The following MPHOSPH10 variants were observed in gnomAD, a reference collection of about 807,000 sequenced individuals.
MPHOSPH10 encodes M-phase phosphoprotein 10.
In MPHOSPH10, 33 loss-of-function variants were observed where a neutral mutation model predicts 77.3. The observed-to-expected ratio is 0.43, with a 90% CI of 0.32 to 0.57. The LOEUF (loss-of-function observed/expected upper bound fraction) is 0.57. Among genes scored for constraint, MPHOSPH10 ranks in the 20% least tolerant of loss-of-function variants. The probability of loss-of-function intolerance (pLI) is 0.07; values close to 1 mark genes in which losing one functional copy is unlikely to be tolerated. For synonymous variants in MPHOSPH10, 245 were observed against 268.0 expected (o/e 0.91, Z 0.84); for missense variants, 708 against 780.1 (o/e 0.91, Z 1.10).
Position 71,138,613 on chromosome 2 carries a change from G to A in MPHOSPH10, c.1222G>A (p.Asp408Asn), listed in dbSNP as rs1365411471. ...NSLLEETLHF[D>N]HAVRMAPVIT... ...CCTCCTGGAGGAGACCCTACACTTT[G>A]ACCATGCTGTCCGGATGGGTATGGT... Residue 408 changes from aspartate to asparagine, a missense_variant, in exon 5 of 11, where the codon GAC becomes AAC. Transcript: ENST00000244230. The A allele has an allele frequency of 6.2e-7, 1 of 1,614,162 alleles. No homozygotes were observed. Among genetic ancestry groups the A allele is most frequent in the Admixed American group, 1.7e-5 (1 of 60,026 alleles).
At chr2:71,145,947 C>A (rs1673697917) in intron 8 of MPHOSPH10, among the ~76,000 whole-genome samples, 1 of 152,212 alleles carries the variant, frequency 6.6e-6, no homozygotes, top group Admixed American at 6.5e-5. Context: ...AGGGTAGACT[C>A]CCCTTCCCAC....
chr2:71,144,570 G>C, intron 8 of MPHOSPH10, 32 bp downstream of exon 8: 1 of 1,491,676 alleles, frequency 6.7e-7, no homozygotes, highest in East Asian at 2.3e-5. Flanking sequence ...TGTGTAGCTA[G>C]AGCAGGGTGA....
intron 8 of MPHOSPH10, 72 bp from the exon 9 acceptor site, chr2:71,147,927 A>G: frequency 8.9e-7 from 1 of 1,121,872 alleles, no homozygotes; most frequent in Non-Finnish European, 1.3e-6. Context: ...TTAAGTTAAT[A>G]GGTTCACAGT....
intron 4 of MPHOSPH10, 124 bp downstream of exon 4, chr2:71,134,921 C>T: frequency 1.4e-6 from 1 of 732,134 alleles, no homozygotes; most frequent in South Asian, 1.9e-5. Context: ...AATCCTAACA[C>T]TTTGGTAGTC....
At chr2:71,149,186 T>C (rs1306830705) in intron 9 of MPHOSPH10, 37 bp from the exon 10 acceptor site, 1 of 1,511,420 alleles carries the variant, frequency 6.6e-7, no homozygotes, top group Non-Finnish European at 8.9e-7. Context: ...TTGTTAAACT[T>C]GATGAATGAA....
At position 71,147,883 on chromosome 2, in the gene MPHOSPH10, G is replaced by T. The variant is rs1047149141; in HGVS notation, c.1558-116G>T. The stretch of plus-strand genomic sequence containing the variant: ...CTGACTTTCAAGCAAGTGAAAAAAA[G>T]ATAATCTCCATAAAGTATTTTATAT... On this transcript the variant is annotated intron_variant, in intron 8 of 10. Coordinates refer to ENST00000244230, the MANE Select transcript of MPHOSPH10 (RefSeq NM_005791.3). The T allele has an allele frequency of 1.6e-5, 12 of 759,266 alleles. No individual in the cohort carries two copies. The Admixed American group carries it at 2.2e-4, about 14-fold the overall frequency. 47.0% of individuals were successfully genotyped at this position (759,266 alleles called of 1,614,324 possible). A position where few individuals can be genotyped will look rare whatever the true frequency, so the allele number is the denominator to read the frequency against.
chr2:71,144,521 C>T lies in MPHOSPH10; in HGVS notation c.1540C>T (p.His514Tyr), dbSNP rs1558756287. 7 of 1,612,978 alleles carry T rather than the reference C, an allele frequency of 4.3e-6. No individual in the cohort carries two copies. Among genetic ancestry groups the T allele is most frequent in the Admixed American group, 1.7e-5 (1 of 60,020 alleles). The change falls in exon 8 of 11, where the codon CAC (histidine) becomes TAC (tyrosine). Residue 514 changes from histidine (H) to tyrosine (Y), a missense_variant. By Grantham distance (83) the His-to-Tyr change is moderately conservative. Transcript: ENST00000244230. ...FLKLDALSNF[H>Y]FIPKPPVPEI... Reference sequence around the variant, plus strand: ...AAAATTGGATGCCCTCTCAAACTTCCACTTTATCCCTAAACCGGTAAGTGT... The same window carrying T: ...AAAATTGGATGCCCTCTCAAACTTCTACTTTATCCCTAAACCGGTAAGTGT...
intron 4 of MPHOSPH10, among the ~76,000 whole-genome samples, chr2:71,135,184 C>G (rs1673461604): frequency 6.6e-6 from 1 of 151,686 alleles, no homozygotes; most frequent in East Asian, 2.0e-4. Flanking sequence ...AACCAAAAAT[C>G]TTGCCATATG....
Position 71,130,644 on chromosome 2 carries a change from GTGTCGGGAGTTGCTGAC to G in MPHOSPH10, c.-21_-5del. 1.9e-6 allele frequency: 3 copies of G among 1,599,936 alleles called. No individual in the cohort carries two copies. Among genetic ancestry groups the G allele is most frequent in the Non-Finnish European group, 2.6e-6 (3 of 1,172,934 alleles). ...GCTCCCTTCCCTTGCATGCTGCATT[GTGTCGGGAGTTGCTGAC>G]AGCCATGGCGCCGCAGGTCTGGCGT... On this transcript the variant is annotated 5_prime_UTR_variant, in exon 1 of 11. An upstream open reading frame in the 5' UTR gains an earlier in-frame stop. Transcript: ENST00000244230.
Position 71,133,588 on chromosome 2 carries a change from A to G in MPHOSPH10, c.768+12A>G, listed in dbSNP as rs759619222. 70 of 1,497,390 alleles carry G rather than the reference A, an allele frequency of 4.7e-5. No homozygotes were observed. The highest frequency in any genetic ancestry group is 5.9e-5 in the Non-Finnish European group (67 of 1,133,068). The allele number at this position is 1,497,390 out of a possible 1,614,324, so 92.8% of individuals were successfully genotyped here. On this transcript the variant is annotated intron_variant, in intron 2 of 10. Coordinates refer to ENST00000244230, the MANE Select transcript of MPHOSPH10 (RefSeq NM_005791.3). ...GTAAAAAACTTAAGGTAAAGTTTTG[A>G]GAGAAGAGAGAGCACTTTCCTCCTC...
chr2:71,134,637 A>G lies in MPHOSPH10; in HGVS notation c.938A>G (p.Asp313Gly). Reference protein sequence around the residue: ...ELSISETDEDDDLQENEDNKQ... With the variant: ...ELSISETDEDGDLQENEDNKQ... ...TTTTGGTATTGTAGGGATGAAGATG[A>G]TGACCTTCAAGAAAATGAAGACAAT... The change falls in exon 4 of 11, where the codon GAT (aspartate) becomes GGT (glycine). Residue 313 changes from aspartate to glycine, a missense_variant. By Grantham distance (94) the Asp-to-Gly change is moderately conservative (BLOSUM62 -1). Coordinates refer to ENST00000244230, the MANE Select transcript of MPHOSPH10 (RefSeq NM_005791.3). The G allele has an allele frequency of 6.9e-6, 11 of 1,601,644 alleles. No homozygotes were observed. The highest frequency in any genetic ancestry group is 9.3e-6 in the Non-Finnish European group (11 of 1,176,602).
chr2:71,141,518 AG>A (rs1256182628), intron 7 of MPHOSPH10, 149 bp downstream of exon 7: 1 of 639,462 alleles, frequency 1.6e-6, no homozygotes, highest in Non-Finnish European at 2.4e-6. Context: ...TAGGAATAGA[AG>A]GGTTCTAATA....
chr2:71,144,726 C>T (rs1279256607), intron 8 of MPHOSPH10, among the ~76,000 whole-genome samples, 188 bp downstream of exon 8: 1 of 152,216 alleles, frequency 6.6e-6, no homozygotes, highest in Non-Finnish European at 1.5e-5. Flanking sequence ...CCCAGATCTT[C>T]AGTGAGCCCC....
rs886111810 is a variant in MPHOSPH10, at chr2:71,149,245, T to C, written c.1688T>C (p.Ile563Thr). The C allele has an allele frequency of 8.3e-6, 13 of 1,575,302 alleles. No homozygotes were observed. In the African/African-American group the frequency reaches 1.1e-4, roughly 13 times the overall value. The change falls in exon 10 of 11, where the codon ATA becomes ACA. Residue 563 changes from isoleucine to threonine, a missense_variant. Coordinates refer to ENST00000244230, the MANE Select transcript of MPHOSPH10 (RefSeq NM_005791.3). ...TAGGAGAAAAATAAAGCTGGAGATATAAAAACAGCTGCTGAAAAAACAGCT... is the reference window on the plus strand; with the variant it reads ...TAGGAGAAAAATAAAGCTGGAGATACAAAAACAGCTGCTGAAAAAACAGCT... Reference protein sequence around the residue: ...EIKEKNKAGDIKTAAEKTATD... With the variant: ...EIKEKNKAGDTKTAAEKTATD...
rs76617759 is a variant in MPHOSPH10 at position 71,147,065 on chromosome 2, C to T, written c.1558-934C>T. Among the ~76,000 whole-genome samples the T allele has an allele frequency of 8.4e-4, 128 of 152,186 alleles. 1 individual carries two copies. In the East Asian group the frequency reaches 0.022, roughly 26 times the overall value. On this transcript the variant is annotated intron_variant, in intron 8 of 10. Coordinates refer to ENST00000244230, the MANE Select transcript of MPHOSPH10 (RefSeq NM_005791.3). ...TTGATAGCTTTGATTTATTTTGATACTGTTTGAGTTTTTCAGTATTATTTC... is the reference window on the plus strand; with the variant it reads ...TTGATAGCTTTGATTTATTTTGATATTGTTTGAGTTTTTCAGTATTATTTC...
rs766981216 is a variant in MPHOSPH10 at position 71,132,957 on chromosome 2, A to G, written c.149A>G (p.Asn50Ser). 1.2e-5 allele frequency: 20 copies of G among 1,613,556 alleles called. No homozygotes were observed. Among genetic ancestry groups the G allele is most frequent in the Non-Finnish European group, 1.6e-5 (19 of 1,179,874 alleles). ...TSLTKVLYDF[N>S]KILENGRIHG... ...TTAACAAAAGTGCTTTATGACTTTA[A>G]TAAAATATTAGAGAATGGTAGGATC... The change falls in exon 2 of 11, where the codon AAT becomes AGT. Residue 50 changes from asparagine (N) to serine (S), a missense_variant. Asn to Ser is a conservative substitution (Grantham distance 46). Around this residue, in one of 3 missense-constraint regions of MPHOSPH10, gnomAD observed 433 missense variants for 432.6 expected, o/e 1.00. Transcript: ENST00000244230.
intron 8 of MPHOSPH10, among the ~76,000 whole-genome samples, chr2:71,145,474 CT>C (rs928677295): frequency 1.2e-4 from 18 of 149,646 alleles, no homozygotes; most frequent in African/African-American, 4.4e-4. Context: ...AGACAGTAAG[CT>C]TTTTTAACCT....
intron 3 of MPHOSPH10, 103 bp from the exon 4 acceptor site, chr2:71,134,523 T>C (rs563313686): frequency 1.9e-6 from 2 of 1,027,730 alleles, no homozygotes; most frequent in Non-Finnish European, 2.9e-6. Context: ...TTTGGTTGCA[T>C]TAGGTATATA....
chr2:71,149,171 C>G, intron 9 of MPHOSPH10, 52 bp from the exon 10 acceptor site: 1 of 1,479,146 alleles, frequency 6.8e-7, no homozygotes, highest in Non-Finnish European at 9.1e-7. Flanking sequence ...ATTCCAGTTT[C>G]CTAGTTGTTA....
Sources: allele counts gnomAD v4.1 joint callset (sites outside exome capture counted in the v4.1 genomes callset), GRCh38; gene constraint gnomAD v4.1.1; regional missense constraint gnomAD v4.1.1; transcripts MANE v1.5; gene names NCBI Gene and HGNC (gene_info 2026-07-23, HGNC 2026-07-21).